The following COQ8B variants were observed in gnomAD, a reference collection of about 807,000 sequenced individuals.
The protein encoded by COQ8B is coenzyme Q8B, also known as atypical kinase COQ8B, mitochondrial.
In COQ8B, 44 loss-of-function variants were observed where a neutral mutation model predicts 62.0. That is an observed-to-expected ratio of 0.71 (90% CI 0.56 to 0.91). COQ8B has a LOEUF of 0.91. Among genes scored for constraint, COQ8B ranks in the 40% least tolerant of loss-of-function variants. The probability of loss-of-function intolerance (pLI) is 0.00; values close to 1 mark genes in which losing one functional copy is unlikely to be tolerated. For synonymous variants in COQ8B, 252 were observed against 289.9 expected, an observed-to-expected ratio of 0.87 and a Z score of 1.33; for missense variants, 649 against 731.6, an observed-to-expected ratio of 0.89 and a Z score of 1.30.
At chr19:40,697,875 G>GAGAGAGAGAGGGGC (rs58313890) in intron 12 of COQ8B, among the ~76,000 whole-genome samples, 1 of 103,474 alleles carries the variant, frequency 9.7e-6, no homozygotes, top group Admixed American at 9.4e-5. Flanking sequence ...GAGAGAGAGA[G>GAGAGAGAGAGGGGC]AGTTTCTACT....
At position 40,714,297 on chromosome 19, in the gene COQ8B, C is replaced by T; in HGVS notation, c.203G>A (p.Arg68Lys). The change falls in exon 3 of 15, where the codon AGG becomes AAG. Residue 68 changes from arginine (R) to lysine (K), a missense_variant. Transcript: ENST00000324464. The stretch of plus-strand genomic sequence containing the variant: ...TGATACCTGGGGCCGGGGTGTCTTC[C>T]TGGGACGGGCCTCCCGTGCCCTGCG... ...DIRRAREARP[R>K]KTPRPQLSDR... The T allele has an allele frequency of 6.2e-7, 1 of 1,613,308 alleles. No individual in the cohort carries two copies. Among genetic ancestry groups the T allele is most frequent in the Non-Finnish European group, 8.5e-7 (1 of 1,179,596 alleles).
At position 40,692,425 on chromosome 19, in the gene COQ8B, C is replaced by T. The variant is rs766694917; in HGVS notation, c.1297-52G>A. 12 of 1,538,888 alleles carry T rather than the reference C, an allele frequency of 7.8e-6. No individual in the cohort carries two copies. The East Asian group carries it at 2.8e-4, about 35-fold the overall frequency. On this transcript the variant is annotated intron_variant, in intron 14 of 14. Coordinates refer to ENST00000324464, the MANE Select transcript of COQ8B (RefSeq NM_024876.4). Reference sequence around the variant, plus strand: ...AAGGCAGCCAGTGTGGACATAGAGCCCTCTGCATAACCCAGAAACAACGTG... The same window carrying T: ...AAGGCAGCCAGTGTGGACATAGAGCTCTCTGCATAACCCAGAAACAACGTG...
chr19:40,704,991 G>C, intron 7 of COQ8B, 105 bp downstream of exon 7: 1 of 1,076,104 alleles, frequency 9.3e-7, no homozygotes, highest in Non-Finnish European at 1.3e-6. Flanking sequence ...GATGGGGAAA[G>C]TGAGGCTCAG....
rs549359403 is a variant in COQ8B, at chr19:40,705,236, C to G, written c.491-55G>C. On this transcript the variant is annotated intron_variant, in intron 6 of 14. Transcript: ENST00000324464. ...TAAGCGAAGAGGTGAGGAGGGACCC[C>G]GTGTGAGTATCTGAAGTTGGGGCCT... 5.0e-6 allele frequency: 8 copies of G among 1,597,996 alleles called. No homozygotes were observed. The South Asian group carries it at 7.8e-5, about 16-fold the overall frequency.
chr19:40,705,745 C>T (rs1430693498), intron 5 of COQ8B, among the ~76,000 whole-genome samples: 1 of 151,968 alleles, frequency 6.6e-6, no homozygotes, highest in Non-Finnish European at 1.5e-5. Flanking sequence ...AGTTCCAGAC[C>T]AGCCTGGATA....
At chr19:40,715,872 C>T (rs2561532) in intron 1 of COQ8B, 9 of 97,308 alleles carry the variant, frequency 9.2e-5, no homozygotes, top group South Asian at 6.6e-4. Flanking sequence ...TGTGTGTGTG[C>T]GCGCGCGCGT....
chr19:40,715,175 C>T (rs1446248853), intron 1 of COQ8B: 2 of 985,866 alleles, frequency 2.0e-6, no homozygotes, highest in Admixed American at 6.1e-5. Flanking sequence ...CTGACTGGCA[C>T]GGAGTTTCTC....
rs202041862 is a variant in COQ8B at position 40,705,467 on chromosome 19, T to C, written c.368-20A>G. The stretch of plus-strand genomic sequence containing the variant: ...CACCCTCTGGGGAGAGAACAACCAT[T>C]AGAATTATAACCACAAATATCATCA... On this transcript the variant is annotated intron_variant, in intron 5 of 14. Coordinates refer to ENST00000324464, the MANE Select transcript of COQ8B (RefSeq NM_024876.4). 102 of 1,527,978 alleles carry C rather than the reference T, an allele frequency of 6.7e-5. No homozygotes were observed. Among genetic ancestry groups the C allele is most frequent in the Non-Finnish European group, 8.9e-5 (101 of 1,133,996 alleles). The allele number at this position is 1,527,978 out of a possible 1,614,324, so 94.7% of individuals were successfully genotyped here. A position where few individuals can be genotyped will look rare whatever the true frequency, so the allele number is the denominator to read the frequency against.
intron 4 of COQ8B, among the ~76,000 whole-genome samples, chr19:40,711,948 G>A (rs893828823): frequency 6.6e-6 from 1 of 152,128 alleles, no homozygotes; most frequent in African/African-American, 2.4e-5. Flanking sequence ...TAATCCCTGG[G>A]CAGCCTGGTG....
At chr19:40,694,950 T>G (rs1251761019) in intron 13 of COQ8B, among the ~76,000 whole-genome samples, 2 of 152,154 alleles carry the variant, frequency 1.3e-5, no homozygotes, top group Admixed American at 6.6e-5. Flanking sequence ...AGGAGGGGCC[T>G]AGGCTGGGCC....
At chr19:40,712,594 A>G (rs2082151056) in intron 4 of COQ8B, among the ~76,000 whole-genome samples, 1 of 152,110 alleles carries the variant, frequency 6.6e-6, no homozygotes, top group South Asian at 2.1e-4. Context: ...TCTCAAAAAC[A>G]AAAACAAAAA....
Position 40,714,310 on chromosome 19 carries a change from C to T in COQ8B, c.190G>A (p.Glu64Lys). 1 of 1,613,948 alleles carries T rather than the reference C, an allele frequency of 6.2e-7. No homozygotes were observed. Among genetic ancestry groups the T allele is most frequent in the Non-Finnish European group, 8.5e-7 (1 of 1,179,968 alleles). Residue 64 changes from glutamate (E) to lysine (K), a missense_variant, in exon 3 of 15, where the codon GAG (glutamate) becomes AAG (lysine). Glu to Lys is a moderately conservative substitution (Grantham distance 56). Coordinates refer to ENST00000324464, the MANE Select transcript of COQ8B (RefSeq NM_024876.4). ...CGGGGTGTCTTCCTGGGACGGGCCT[C>T]CCGTGCCCTGCGAATGTCCTCCTCA... ...LGEEDIRRAREARPRKTPRPQ... is the reference protein window; with the variant it reads ...LGEEDIRRARKARPRKTPRPQ...
At chr19:40,708,973 T>C (rs2082120871) in intron 5 of COQ8B, among the ~76,000 whole-genome samples, 1 of 151,520 alleles carries the variant, frequency 6.6e-6, no homozygotes, top group African/African-American at 2.4e-5. Context: ...AAAAGTTGCA[T>C]GCATAATATC....
chr19:40,716,248 C>T (rs1010290529), intron 1 of COQ8B, among the ~76,000 whole-genome samples: 4 of 152,194 alleles, frequency 2.6e-5, no homozygotes, highest in Non-Finnish European at 5.9e-5. Flanking sequence ...GACAAACCAC[C>T]TCCTCTCCCC....
intron 12 of COQ8B, among the ~76,000 whole-genome samples, chr19:40,698,071 C>T (rs2082033019): frequency 6.7e-6 from 1 of 150,168 alleles, no homozygotes; most frequent in East Asian, 2.0e-4. Flanking sequence ...CAAAAATTAG[C>T]TGGGCGTGGT....
intron 12 of COQ8B, 122 bp from the exon 13 acceptor site, chr19:40,696,176 T>A: frequency 1.8e-6 from 2 of 1,109,690 alleles, no homozygotes; most frequent in African/African-American, 1.5e-5. Context: ...AGTCCCTGCC[T>A]GGCTGCCTCA....
In COQ8B at chr19:40,705,083, A is replaced by G. The variant is rs1167736986; in HGVS notation, c.576+13T>C. ...CCTGCCTCCCTCACCGCCCTCCCCC[A>G]CTGGGCACTCACCAGCATCTGCCAG... On this transcript the variant is annotated intron_variant, in intron 7 of 14. Coordinates refer to ENST00000324464, the MANE Select transcript of COQ8B (RefSeq NM_024876.4). 1 of 1,597,148 alleles carries G rather than the reference A, an allele frequency of 6.3e-7. No individual in the cohort carries two copies. Among genetic ancestry groups the G allele is most frequent in the South Asian group, 1.1e-5 (1 of 88,516 alleles).
chr19:40,714,329 C>T lies in COQ8B; in HGVS notation c.171G>A (p.Glu57=), dbSNP rs2082167733. Residue 57 remains glutamate, a synonymous_variant, in exon 3 of 15, where the codon GAG becomes GAA. Transcript: ENST00000324464. ...QDGPGRGLGE[E]DIRRAREARP... is the part of the protein sequence containing the mutation. ...GGGCCTCCCGTGCCCTGCGAATGTC[C>T]TCCTCACCCAGGCCTCTCCCAGGCC... 2 of 1,614,038 alleles carry T rather than the reference C, an allele frequency of 1.2e-6. No individual in the cohort carries two copies. Among genetic ancestry groups the T allele is most frequent in the Non-Finnish European group, 8.5e-7 (1 of 1,180,034 alleles).
At position 40,714,565 on chromosome 19, in the gene COQ8B, G is replaced by C; in HGVS notation, c.68C>G (p.Pro23Arg). 6.2e-7 allele frequency: 1 copy of C among 1,613,392 alleles called. No homozygotes were observed. Among genetic ancestry groups the C allele is most frequent in the Non-Finnish European group, 8.5e-7 (1 of 1,179,790 alleles). ...GGQLGQTVGW[P>R]CGALGPGPHR... The stretch of plus-strand genomic sequence containing the variant: ...GGGCCCAGGCCCCAGGGCCCCACAA[G>C]GCCAACCAACAGTCTGGCCCAGCTG... Residue 23 changes from proline to arginine, a missense_variant, in exon 2 of 15, where the codon CCT (proline) becomes CGT (arginine). Coordinates refer to ENST00000324464, the MANE Select transcript of COQ8B (RefSeq NM_024876.4).
Sources: gnomAD v4.1 joint callset for allele counts (sites outside exome capture counted in the v4.1 genomes callset) on GRCh38, gnomAD v4.1.1 for gene constraint, MANE v1.5 for transcripts, NCBI Gene and HGNC (gene_info 2026-07-23, HGNC 2026-07-21) for gene names.